Variants in TMEM131L observed in about 807,000 individuals in gnomAD.
TMEM131L encodes the protein transmembrane protein 131-like.
In TMEM131L, 54 loss-of-function variants were observed where a neutral mutation model predicts 192.2. The ratio of observed to expected loss-of-function variants is 0.28; its 90% CI spans 0.23 to 0.35. TMEM131L has a LOEUF of 0.35. TMEM131L is among the 10% of genes least tolerant of loss of function. The probability of loss-of-function intolerance (pLI) is 1.00; values close to 1 mark genes in which losing one functional copy is unlikely to be tolerated. For missense variants in TMEM131L, 1,888 were observed against 1,972.9 expected (o/e 0.96, Z 0.82); for synonymous variants, 701 against 704.9 (o/e 0.99, Z 0.09).
chr4:153,596,301 A>T lies in TMEM131L; in HGVS notation c.2039A>T (p.His680Leu). ...TCCAGGTTTGGCATCCTCCACTTAC[A>T]TCTGCAGCCTTTGGAAATGAAAAGG... ...EESRFGILHL[H>L]LQPLEMKRVG... Residue 680 changes from histidine (H) to leucine (L), a missense_variant, in exon 20 of 35, where the codon CAT becomes CTT. His to Leu is a moderately conservative substitution (Grantham distance 99). Transcript: ENST00000409959. 6.2e-7 allele frequency: 1 copy of T among 1,614,002 alleles called. No individual in the cohort carries two copies. The highest frequency in any genetic ancestry group is 8.5e-7 in the Non-Finnish European group (1 of 1,179,878).
intron 7 of TMEM131L, among the ~76,000 whole-genome samples, chr4:153,565,817 T>C (rs1378212042): frequency 6.6e-6 from 1 of 152,244 alleles, no homozygotes; most frequent in Non-Finnish European, 1.5e-5. Context: ...GTGACAAGTA[T>C]TAAAATTAGA....
At chr4:153,535,633 C>CA (rs1561168428) in intron 3 of TMEM131L, among the ~76,000 whole-genome samples, 1 of 151,906 alleles carries the variant, frequency 6.6e-6, no homozygotes, top group South Asian at 2.1e-4. Context: ...CTGTTTGAAT[C>CA]AAAAAAAGAA....
chr4:153,581,748 A>G (rs1022903724), intron 9 of TMEM131L, among the ~76,000 whole-genome samples, 188 bp downstream of exon 9: 2 of 152,100 alleles, frequency 1.3e-5, no homozygotes, highest in Admixed American at 6.5e-5. Context: ...TTTGGGGAGA[A>G]GTGACAACTG....
chr4:153,524,032 A>G (rs1469858325), intron 3 of TMEM131L, among the ~76,000 whole-genome samples: 8 of 152,222 alleles, frequency 5.3e-5, no homozygotes, highest in African/African-American at 1.4e-4. Flanking sequence ...AGAAAAGAAC[A>G]AAGAGAATAA....
At chr4:153,500,068 G>C (rs28564220) in intron 3 of TMEM131L, among the ~76,000 whole-genome samples, 9,886 of 150,852 alleles carry the variant, frequency 0.066, 519 homozygotes, top group African/African-American at 0.13. Context: ...GTTCCCTTCC[G>C]TTCCCTTCCC....
At chr4:153,626,596 G>T (rs1266303707) in intron 30 of TMEM131L, among the ~76,000 whole-genome samples, 1 of 152,142 alleles carries the variant, frequency 6.6e-6, no homozygotes, top group South Asian at 2.1e-4. Flanking sequence ...TCTCTAAAAA[G>T]AATTTCGTTT....
intron 28 of TMEM131L, among the ~76,000 whole-genome samples, chr4:153,622,499 C>T (rs1733503252): frequency 6.6e-6 from 1 of 152,200 alleles, no homozygotes; most frequent in South Asian, 2.1e-4. Context: ...GAAGAGTCTT[C>T]CCATTCATGT....
rs769775686 is a variant in TMEM131L, at chr4:153,604,315, G to C, written c.3303G>C (p.Lys1101Asn). The C allele has an allele frequency of 3.1e-6, 5 of 1,614,130 alleles. No individual in the cohort carries two copies. Among genetic ancestry groups the C allele is most frequent in the Non-Finnish European group, 4.2e-6 (5 of 1,180,020 alleles). Residue 1101 changes from lysine (K) to asparagine (N), a missense_variant, in exon 25 of 35, where the codon AAG (lysine) becomes AAC (asparagine). Physicochemically the swap from Lys to Asn is moderately conservative, Grantham distance 94. Coordinates refer to ENST00000409959, the MANE Select transcript of TMEM131L (RefSeq NM_001131007.2). The part of the protein sequence containing the change: ...IKTSENTAEF[K>N]ERELCPLKTS... ...CTTCAGAGAACACAGCCGAGTTCAAGGAACGGGAGCTCTGTCCACTGAAGA... is the reference window on the plus strand; with the variant it reads ...CTTCAGAGAACACAGCCGAGTTCAACGAACGGGAGCTCTGTCCACTGAAGA...
At chr4:153,476,861 C>T (rs1284822496) in intron 3 of TMEM131L, among the ~76,000 whole-genome samples, 1 of 151,912 alleles carries the variant, frequency 6.6e-6, no homozygotes, top group Non-Finnish European at 1.5e-5. Context: ...ATTTAGATTC[C>T]ATTGAATTTA....
At position 153,624,921 on chromosome 4, in the gene TMEM131L, A is replaced by G. The variant is rs1733723543; in HGVS notation, c.4046-1226A>G. Among the ~76,000 whole-genome samples the G allele has an allele frequency of 2.0e-5, 3 of 152,226 alleles. No homozygotes were observed. In the South Asian group the frequency reaches 6.2e-4, roughly 32 times the overall value. On this transcript the variant is annotated intron_variant, in intron 29 of 34. Coordinates refer to ENST00000409959, the MANE Select transcript of TMEM131L (RefSeq NM_001131007.2). The stretch of plus-strand genomic sequence containing the variant: ...TGCAGTAGCAGCCATGAAAACCTAG[A>G]GGAAGTGCCCACGTGTACGCGATTC...
chr4:153,605,982 G>A (rs896768338), intron 25 of TMEM131L, among the ~76,000 whole-genome samples: 5 of 152,170 alleles, frequency 3.3e-5, no homozygotes, highest in East Asian at 1.9e-4. Context: ...TGGTGCACAC[G>A]CCTGAAGTGG....
chr4:153,480,718 T>C (rs1271299414), intron 3 of TMEM131L, among the ~76,000 whole-genome samples: 3 of 152,166 alleles, frequency 2.0e-5, no homozygotes, highest in Admixed American at 6.5e-5. Context: ...TACACAGCAG[T>C]GTATATATTT....
At chr4:153,602,439 G>A (rs1009144630) in intron 22 of TMEM131L, 101 bp downstream of exon 22, 17 of 1,526,450 alleles carry the variant, frequency 1.1e-5, no homozygotes, top group Admixed American at 1.9e-5. Context: ...TTGTTTTAAT[G>A]TAAATATTTC....
intron 2 of TMEM131L, 63 bp downstream of exon 2, chr4:153,467,344 C>T (rs955479810): frequency 2.9e-6 from 4 of 1,361,726 alleles, no homozygotes; most frequent in East Asian, 5.0e-5. Flanking sequence ...GGGGAGGCCC[C>T]CGGTCCTCCC....
At chr4:153,479,239 G>T (rs1172388233) in intron 3 of TMEM131L, among the ~76,000 whole-genome samples, 1 of 152,180 alleles carries the variant, frequency 6.6e-6, no homozygotes, top group African/African-American at 2.4e-5. Context: ...TTTTGTTTAT[G>T]TTATTCTGCC....
At chr4:153,503,771 G>A (rs956044531) in intron 3 of TMEM131L, among the ~76,000 whole-genome samples, 1 of 152,068 alleles carries the variant, frequency 6.6e-6, no homozygotes, top group Non-Finnish European at 1.5e-5. Flanking sequence ...ATAAGACACG[G>A]GTTATAAAAG....
chr4:153,529,208 TAGAG>T (rs1221472095), intron 3 of TMEM131L, among the ~76,000 whole-genome samples: 1 of 152,218 alleles, frequency 6.6e-6, no homozygotes, highest in Non-Finnish European at 1.5e-5. Flanking sequence ...TTCTGTTCCA[TAGAG>T]AGTCAGTTGT....
intron 3 of TMEM131L, among the ~76,000 whole-genome samples, chr4:153,492,789 T>A (rs1475633328): frequency 2.6e-5 from 4 of 152,176 alleles, no homozygotes; most frequent in Non-Finnish European, 5.9e-5. Context: ...ATATCTTTTC[T>A]GGCTTTGTAT....
chr4:153,473,309 C>T (rs983074860), intron 2 of TMEM131L, among the ~76,000 whole-genome samples: 4 of 152,076 alleles, frequency 2.6e-5, no homozygotes, highest in African/African-American at 4.8e-5. Context: ...GATGGTGCAC[C>T]GGATGGTTGC....
Sources: gnomAD v4.1 joint callset for allele counts (sites outside exome capture counted in the v4.1 genomes callset) on GRCh38, gnomAD v4.1.1 for gene constraint, MANE v1.5 for transcripts, NCBI Gene and HGNC (gene_info 2026-07-23, HGNC 2026-07-21) for gene names.